The following FARP1 variants were observed in gnomAD, a reference collection of about 807,000 sequenced individuals.
FARP1 encodes FERM, ARHGEF and pleckstrin domain-containing protein 1.
A neutral mutation model predicts 128.8 loss-of-function variants in FARP1; 52 were observed. The ratio of observed to expected loss-of-function variants is 0.40; its 90% CI spans 0.32 to 0.51. The LOEUF is 0.51. Among genes scored for constraint, FARP1 ranks in the 20% least tolerant of loss-of-function variants. FARP1 has a pLI of 0.45. For missense variants in FARP1, 1,333 were observed against 1,367.9 expected, an observed-to-expected ratio of 0.97 and a Z score of 0.40; for synonymous variants, 580 against 551.8, an observed-to-expected ratio of 1.05 and a Z score of -0.72.
intron 1 of FARP1, among the ~76,000 whole-genome samples, chr13:98,144,934 A>C (rs1237729128): frequency 6.6e-6 from 1 of 152,164 alleles, no homozygotes; most frequent in Non-Finnish European, 1.5e-5. Flanking sequence ...AGTGTGCTTC[A>C]TAAGTGGGTA....
chr13:98,424,124 A>G (rs2140151099), intron 16 of FARP1, among the ~76,000 whole-genome samples: 1 of 152,340 alleles, frequency 6.6e-6, no homozygotes, highest in South Asian at 2.1e-4. Flanking sequence ...TAGAAGCAGA[A>G]ACCTTCCTCT....
intron 2 of FARP1, among the ~76,000 whole-genome samples, chr13:98,275,336 G>GGGGA (rs142310338): frequency 9.1e-5 from 13 of 143,596 alleles, no homozygotes; most frequent in East Asian, 2.0e-4. Flanking sequence ...ATGTGGGTAA[G>GGGGA]GAGAGAGAGA....
chr13:98,320,051 C>G (rs1204464660), intron 2 of FARP1, among the ~76,000 whole-genome samples: 1 of 152,102 alleles, frequency 6.6e-6, no homozygotes, highest in African/African-American at 2.4e-5. Context: ...GTTACGTGAG[C>G]CAGGCCTGTG....
In FARP1 at chr13:98,448,284, C is replaced by G. The variant is rs757505772; in HGVS notation, c.3105C>G (p.His1035Gln). 5.6e-6 allele frequency: 9 copies of G among 1,613,952 alleles called. No individual in the cohort carries two copies. Among genetic ancestry groups the G allele is most frequent in the Admixed American group, 3.3e-5 (2 of 60,010 alleles). The change falls in exon 27 of 27, where the codon CAC (histidine) becomes CAG (glutamine). Residue 1035 changes from histidine to glutamine, a missense_variant. Physicochemically the swap from His to Gln is conservative, Grantham distance 24. Transcript: ENST00000319562. ...CCACCAGCTCTGCCTCGCGACCCCA[C>G]GTGTTGAGTCACAAAGAGTCTCTTG... The part of the protein sequence containing the change: ...RSATSSASRP[H>Q]VLSHKESLVY
intron 8 of FARP1, among the ~76,000 whole-genome samples, chr13:98,386,992 T>G (rs1049132192): frequency 2.6e-5 from 4 of 152,150 alleles, no homozygotes; most frequent in Non-Finnish European, 4.4e-5. Flanking sequence ...ACGCATAGCC[T>G]CTGAGTATCG....
intron 1 of FARP1, among the ~76,000 whole-genome samples, chr13:98,149,435 T>G (rs1397755451): frequency 6.6e-6 from 1 of 152,184 alleles, no homozygotes; most frequent in East Asian, 1.9e-4. Flanking sequence ...CAAATCTTTG[T>G]GTAGAGATAG....
intron 13 of FARP1, chr13:98,405,977 C>T (rs569047582): frequency 9.8e-5 from 15 of 152,332 alleles, no homozygotes; most frequent in South Asian, 4.1e-4. Context: ...CTCATTTTAC[C>T]TAACAACAGA....
chr13:98,166,709 T>A (rs61678169), intron 1 of FARP1, among the ~76,000 whole-genome samples: 13,879 of 150,608 alleles, frequency 0.092, 827 homozygotes, highest in African/African-American at 0.16. Context: ...ATCAGTGAGA[T>A]GCCAGTTTTT....
chr13:98,374,231 C>A (rs1889477211), intron 5 of FARP1, among the ~76,000 whole-genome samples: 1 of 152,114 alleles, frequency 6.6e-6, no homozygotes, highest in Admixed American at 6.5e-5. Flanking sequence ...TGAGACCAGC[C>A]TGGGCAACAC....
At chr13:98,424,794 A>G (rs1296898456) in intron 17 of FARP1, 144 bp downstream of exon 17, 1 of 663,360 alleles carries the variant, frequency 1.5e-6, no homozygotes, top group African/African-American at 1.8e-5. Context: ...CCCACCGCCG[A>G]GCAGCAGCTT....
chr13:98,380,044 G>A (rs1351225117), intron 6 of FARP1, among the ~76,000 whole-genome samples: 1 of 152,112 alleles, frequency 6.6e-6, no homozygotes, highest in Non-Finnish European at 1.5e-5. Flanking sequence ...CTGACCCTTG[G>A]CATTTTGTAA....
At chr13:98,230,424 C>G (rs1446242589) in intron 2 of FARP1, among the ~76,000 whole-genome samples, 1 of 152,110 alleles carries the variant, frequency 6.6e-6, no homozygotes, top group African/African-American at 2.4e-5. Flanking sequence ...CAAACAAAAG[C>G]ATTGATGATT....
intron 13 of FARP1, chr13:98,399,932 A>G (rs948595505): frequency 2.6e-5 from 4 of 152,336 alleles, no homozygotes; most frequent in African/African-American, 9.6e-5. Flanking sequence ...GAGCTCCAGA[A>G]CTCAAAATAA....
intron 1 of FARP1, among the ~76,000 whole-genome samples, chr13:98,206,177 TTGTGTG>T (rs3138577): frequency 0.046 from 6,782 of 146,468 alleles, 417 homozygotes; most frequent in African/African-American, 0.14. Flanking sequence ...TGACTTGAGG[TTGTGTG>T]TGTGTGTGTG....
chr13:98,284,667 C>G (rs1342147836), intron 2 of FARP1, among the ~76,000 whole-genome samples: 4 of 151,854 alleles, frequency 2.6e-5, no homozygotes, highest in Non-Finnish European at 4.4e-5. Context: ...TTACTGACTC[C>G]CTTTGTCCCT....
chr13:98,330,811 T>C (rs551761462), intron 2 of FARP1, among the ~76,000 whole-genome samples: 1 of 152,070 alleles, frequency 6.6e-6, no homozygotes, highest in Non-Finnish European at 1.5e-5. Flanking sequence ...AGCTGCGTGG[T>C]ATCCCAGTTC....
chr13:98,170,602 C>G (rs1877588730), intron 1 of FARP1, among the ~76,000 whole-genome samples: 1 of 151,926 alleles, frequency 6.6e-6, no homozygotes, highest in African/African-American at 2.4e-5. Context: ...GTGATCTGCC[C>G]ACCTCAGCCT....
intron 2 of FARP1, among the ~76,000 whole-genome samples, chr13:98,324,456 G>A (rs1259866828): frequency 6.6e-6 from 1 of 152,210 alleles, no homozygotes; most frequent in Non-Finnish European, 1.5e-5. Flanking sequence ...TTGTTATGAA[G>A]CTGAAATTGA....
At chr13:98,405,712 A>G (rs1256481121) in intron 13 of FARP1, 2 of 152,148 alleles carry the variant, frequency 1.3e-5, no homozygotes, top group Non-Finnish European at 2.9e-5. Flanking sequence ...CTTTCCACCT[A>G]TTGCCTTAAT....
Sources: allele counts gnomAD v4.1 joint callset (sites outside exome capture counted in the v4.1 genomes callset), GRCh38; gene constraint gnomAD v4.1.1; transcripts MANE v1.5; gene names NCBI Gene and HGNC (gene_info 2026-07-23, HGNC 2026-07-21).